Variants in CCDC171 observed in about 807,000 individuals in gnomAD.
The protein encoded by CCDC171 is coiled-coil domain-containing protein 171.
Under a neutral mutation model 168.2 loss-of-function variants are expected in CCDC171, and 177 were observed. The observed-to-expected ratio is 1.05, with a 90% CI of 0.93 to 1.19. CCDC171 has a LOEUF of 1.19. Among genes scored for constraint, CCDC171 ranks in the 50% most tolerant of loss-of-function variants. CCDC171 has a pLI of 0.00. For synonymous variants in CCDC171, 687 were observed against 540.8 expected, an observed-to-expected ratio of 1.27 and a Z score of -3.75; for missense variants, 1,991 against 1,539.0, an observed-to-expected ratio of 1.29 and a Z score of -4.91.
chr9:16,087,596 G>T, the CCDC171 span, among the ~76,000 whole-genome samples: 3 of 120,906 alleles, frequency 2.5e-5, no homozygotes, highest in Middle Eastern at 4.6e-3. Context: ...CATTTGCTTG[G>T]TAAATCTTCC....
At chr9:15,780,728 A>G (rs572986341) in intron 20 of CCDC171, among the ~76,000 whole-genome samples, 1 of 152,332 alleles carries the variant, frequency 6.6e-6, no homozygotes, top group Admixed American at 6.5e-5. Context: ...ATATATGTAT[A>G]CATGTATGCA....
intron 18 of CCDC171, among the ~76,000 whole-genome samples, chr9:15,758,251 C>T (rs1414988503): frequency 1.3e-5 from 2 of 152,178 alleles, no homozygotes; most frequent in Non-Finnish European, 2.9e-5. Context: ...ACCATGGGAA[C>T]CCACTTCTTG....
chr9:15,568,890 C>T (rs77287581), intron 2 of CCDC171, among the ~76,000 whole-genome samples: 1 of 152,098 alleles, frequency 6.6e-6, no homozygotes, highest in Non-Finnish European at 1.5e-5. Flanking sequence ...CGAAGAAGCT[C>T]TTAAGTTTAA....
chr9:15,781,281 G>A (rs1445129369), intron 20 of CCDC171, among the ~76,000 whole-genome samples: 1 of 152,210 alleles, frequency 6.6e-6, no homozygotes, highest in Non-Finnish European at 1.5e-5. Context: ...GAGTTTGAGG[G>A]AAGGTTAGTG....
In CCDC171 at chr9:15,578,843, T is replaced by C. The variant is rs749700720; in HGVS notation, c.178-6T>C. ...ACACATGTTGATATCAGGAATCTGT[T>C]TTTAGCTGGCAAGCTATGAGAGCCA... On this transcript the variant is annotated splice_region_variant and splice_polypyrimidine_tract_variant and intron_variant, in intron 3 of 25. Transcript: ENST00000380701. The C allele has an allele frequency of 1.2e-6, 2 of 1,610,836 alleles. No homozygotes were observed. The highest frequency in any genetic ancestry group is 1.7e-6 in the Non-Finnish European group (2 of 1,178,352).
At chr9:15,861,268 A>G (rs1588893813) in intron 23 of CCDC171, among the ~76,000 whole-genome samples, 1 of 148,762 alleles carries the variant, frequency 6.7e-6, no homozygotes, top group African/African-American at 2.5e-5. Flanking sequence ...ATTGGAAGTT[A>G]TATCTATTTA....
intron 9 of CCDC171, among the ~76,000 whole-genome samples, chr9:15,671,568 G>A (rs958622811): frequency 7.9e-6 from 1 of 126,204 alleles, no homozygotes; most frequent in African/African-American, 3.0e-5. Flanking sequence ...TACATGTGTT[G>A]TCATTGTTCA....
chr9:15,638,076 T>G (rs2046335725), intron 7 of CCDC171, among the ~76,000 whole-genome samples: 1 of 152,184 alleles, frequency 6.6e-6, no homozygotes, highest in African/African-American at 2.4e-5. Context: ...ACTTTATGTT[T>G]TTTTCTTTAC....
At chr9:15,648,792 G>T (rs866786339) in intron 7 of CCDC171, among the ~76,000 whole-genome samples, 1 of 152,158 alleles carries the variant, frequency 6.6e-6, no homozygotes. Context: ...TGGATAGGAA[G>T]AATAAATATC....
intron 24 of CCDC171, among the ~76,000 whole-genome samples, chr9:15,907,045 T>C (rs527334253): frequency 1.3e-5 from 2 of 152,168 alleles, no homozygotes; most frequent in East Asian, 3.9e-4. Context: ...TGCTCATGGG[T>C]AGGAAGAATC....
chr9:15,677,715 C>G (rs1281075994), intron 9 of CCDC171, among the ~76,000 whole-genome samples: 5 of 149,122 alleles, frequency 3.4e-5, no homozygotes, highest in Non-Finnish European at 7.4e-5. Context: ...GAACAATATA[C>G]ATATATATTT....
downstream of CCDC171, among the ~76,000 whole-genome samples, chr9:16,063,176 G>A (rs996757457): frequency 6.6e-6 from 1 of 152,216 alleles, no homozygotes; most frequent in African/African-American, 2.4e-5. Context: ...AATGCACAAT[G>A]TGAGTAGTGA....
intron 21 of CCDC171, among the ~76,000 whole-genome samples, chr9:15,810,566 C>CA (rs2059302736): frequency 3.3e-5 from 5 of 152,178 alleles, no homozygotes; most frequent in African/African-American, 1.2e-4. Context: ...GCGGCTGAGG[C>CA]CCGGCGACAA....
chr9:15,831,164 G>T (rs1231236966), intron 21 of CCDC171, among the ~76,000 whole-genome samples: 1 of 151,732 alleles, frequency 6.6e-6, no homozygotes, highest in Non-Finnish European at 1.5e-5. Context: ...AGTAGAGACG[G>T]AGTTTCACCA....
chr9:16,000,209 A>G (rs1832498843), intron 3 of CCDC171, among the ~76,000 whole-genome samples: 1 of 152,164 alleles, frequency 6.6e-6, no homozygotes, highest in African/African-American at 2.4e-5. Flanking sequence ...ACATTTCCAT[A>G]TGTCTTCCAG....
At position 15,929,641 on chromosome 9, in the gene CCDC171, G is replaced by A. The variant is rs889405004; in HGVS notation, c.3753+9219G>A. Among the ~76,000 whole-genome samples the A allele has an allele frequency of 2.6e-5, 4 of 151,792 alleles. No homozygotes were observed. In the East Asian group the frequency reaches 7.8e-4, roughly 30 times the overall value. ...GACCCATCCTCTTATTTCTATCTGT[G>A]TGGTCACATGACCATTTCCCTGGGC... On this transcript the variant is annotated intron_variant, in intron 25 of 25. Transcript: ENST00000380701.
rs375867399 is a variant in CCDC171 at position 15,604,864 on chromosome 9, A to G, written c.675+10692A>G. On this transcript the variant is annotated intron_variant, in intron 6 of 25. Transcript: ENST00000380701. The stretch of plus-strand genomic sequence containing the variant: ...GTATGCAAATACACACAGAAATAAG[A>G]TATGAACATCAACAGATGGATGCAA... Among the ~76,000 whole-genome samples, 8 of 152,322 alleles carry G rather than the reference A, an allele frequency of 5.3e-5. No homozygotes were observed. In the East Asian group the frequency reaches 1.5e-3, roughly 29 times the overall value.
intron 24 of CCDC171, among the ~76,000 whole-genome samples, chr9:15,903,484 A>G (rs1215451144): frequency 6.7e-6 from 1 of 150,016 alleles, no homozygotes; most frequent in Non-Finnish European, 1.5e-5. Flanking sequence ...GACTGTTAGA[A>G]GGAAAACTAA....
chr9:15,753,755 G>C (rs1349513018), intron 18 of CCDC171, among the ~76,000 whole-genome samples: 1 of 152,106 alleles, frequency 6.6e-6, no homozygotes, highest in East Asian at 1.9e-4. Context: ...TAAGTTTTAA[G>C]TGTTTGTTCG....
Sources: allele counts gnomAD v4.1 joint callset (sites outside exome capture counted in the v4.1 genomes callset), GRCh38; gene constraint gnomAD v4.1.1; transcripts MANE v1.5; gene names NCBI Gene and HGNC (gene_info 2026-07-23, HGNC 2026-07-21).